Variants in RBFOX1 observed in about 807,000 individuals in gnomAD.
RBFOX1 encodes the protein RNA binding protein fox-1 homolog 1.
Under a neutral mutation model 57.7 loss-of-function variants are expected in RBFOX1, and 8 were observed. The observed-to-expected ratio is 0.14, with a 90% confidence interval of 0.08 to 0.25. The LOEUF is 0.25. Ranked by LOEUF, RBFOX1 falls within the 10% of genes least tolerant of loss-of-function variation. The probability of loss-of-function intolerance (pLI) is 1.00; values close to 1 mark genes in which losing one functional copy is unlikely to be tolerated. For missense variants in RBFOX1, 611 were observed against 548.5 expected (o/e 1.11, Z -1.14); for synonymous variants, 326 against 222.4 (o/e 1.47, Z -4.15).
At chr16:7,042,854 A>G (rs2046624312) in intron 3 of RBFOX1, among the ~76,000 whole-genome samples, 2 of 152,166 alleles carry the variant, frequency 1.3e-5, no homozygotes, top group Non-Finnish European at 2.9e-5. Context: ...TGAACCTGGG[A>G]GGTGGAGGTT....
chr16:6,647,498 T>A (rs2098543358), intron 2 of RBFOX1, among the ~76,000 whole-genome samples: 1 of 152,168 alleles, frequency 6.6e-6, no homozygotes, highest in Admixed American at 6.5e-5. Context: ...TATACCTGCC[T>A]TAGACTCCCA....
chr16:7,026,604 G>A (rs2041024312), intron 3 of RBFOX1, among the ~76,000 whole-genome samples: 1 of 152,188 alleles, frequency 6.6e-6, no homozygotes, highest in Admixed American at 6.5e-5. Context: ...TCTGCACAGA[G>A]GTGCAGGGAA....
At chr16:5,516,429 G>C (rs936804096) in intron 2 of RBFOX1, among the ~76,000 whole-genome samples, 9 of 151,846 alleles carry the variant, frequency 5.9e-5, no homozygotes, top group Non-Finnish European at 1.0e-4. Flanking sequence ...CTTCCTTGTT[G>C]TTGATCTTGC....
intron 1 of RBFOX1, among the ~76,000 whole-genome samples, chr16:5,351,195 T>G (rs2065255245): frequency 6.6e-6 from 1 of 152,222 alleles, no homozygotes; most frequent in Non-Finnish European, 1.5e-5. Context: ...ATTGATTTAT[T>G]TAACTCGACT....
chr16:5,715,966 G>A (rs1221315008), intron 3 of RBFOX1, among the ~76,000 whole-genome samples: 2 of 152,164 alleles, frequency 1.3e-5, no homozygotes, highest in Non-Finnish European at 2.9e-5. Flanking sequence ...AGTTTTTAAA[G>A]TATCTAATAA....
At chr16:6,879,910 TA>T (rs1421317297) in intron 3 of RBFOX1, among the ~76,000 whole-genome samples, 1 of 152,258 alleles carries the variant, frequency 6.6e-6, no homozygotes, top group African/African-American at 2.4e-5. Context: ...TCATTTCTTT[TA>T]AAATATTATT....
At chr16:6,036,684 C>T (rs531220246) in intron 1 of RBFOX1, among the ~76,000 whole-genome samples, 3 of 152,238 alleles carry the variant, frequency 2.0e-5, no homozygotes, top group African/African-American at 7.2e-5. Context: ...GAGATAGGGA[C>T]AAATACAACA....
At chr16:7,099,913 C>T (rs1481683023) in intron 4 of RBFOX1, among the ~76,000 whole-genome samples, 1 of 152,036 alleles carries the variant, frequency 6.6e-6, no homozygotes, top group African/African-American at 2.4e-5. Context: ...TGTTTCTTAT[C>T]AGACTTAAAG....
chr16:7,203,436 CAAA>C (rs1199532796), intron 4 of RBFOX1, among the ~76,000 whole-genome samples: 1 of 152,050 alleles, frequency 6.6e-6, no homozygotes, highest in African/African-American at 2.4e-5. Context: ...TATTACAAGA[CAAA>C]AAGAGTTCTG....
chr16:7,415,002 A>G (rs960608049), intron 4 of RBFOX1, among the ~76,000 whole-genome samples: 3 of 152,326 alleles, frequency 2.0e-5, no homozygotes, highest in Non-Finnish European at 4.4e-5. Flanking sequence ...TGAGGAGCTT[A>G]TATGATCACA....
At chr16:6,982,807 A>T (rs1479540223) in intron 3 of RBFOX1, among the ~76,000 whole-genome samples, 1 of 152,128 alleles carries the variant, frequency 6.6e-6, no homozygotes, top group Non-Finnish European at 1.5e-5. Flanking sequence ...AGCCTGGCCA[A>T]CATGGCGGAG....
chr16:6,490,571 A>G (rs548867675), intron 2 of RBFOX1, among the ~76,000 whole-genome samples: 1 of 152,358 alleles, frequency 6.6e-6, no homozygotes, highest in Non-Finnish European at 1.5e-5. Context: ...ATTGCCCTGC[A>G]GAAAGCTCAG....
chr16:6,336,706 G>C (rs951458367), intron 2 of RBFOX1, among the ~76,000 whole-genome samples: 12 of 152,138 alleles, frequency 7.9e-5, no homozygotes, highest in African/African-American at 1.4e-4. Context: ...GGGGGAAATT[G>C]GATGAGATGA....
intron 2 of RBFOX1, among the ~76,000 whole-genome samples, chr16:6,642,098 T>G (rs1453918179): frequency 2.6e-5 from 4 of 152,138 alleles, no homozygotes; most frequent in African/African-American, 9.7e-5. Flanking sequence ...TTTTAGGTGC[T>G]GGGGTCTGAG....
At chr16:5,839,192 AC>A (rs1359803263) in intron 3 of RBFOX1, among the ~76,000 whole-genome samples, 1 of 152,210 alleles carries the variant, frequency 6.6e-6, no homozygotes, top group Non-Finnish European at 1.5e-5. Flanking sequence ...TATCCTTTGC[AC>A]CAGCACATTT....
At chr16:7,124,294 G>C (rs560338793) in intron 4 of RBFOX1, among the ~76,000 whole-genome samples, 10 of 152,206 alleles carry the variant, frequency 6.6e-5, no homozygotes, top group African/African-American at 2.4e-4. Flanking sequence ...TGTGCCTTTG[G>C]TTCTAGCTAC....
At chr16:7,660,328 A>T (rs1377564945) in intron 12 of RBFOX1, among the ~76,000 whole-genome samples, 4 of 152,230 alleles carry the variant, frequency 2.6e-5, no homozygotes, top group African/African-American at 9.6e-5. Context: ...GCATGGCTAG[A>T]CGGACCATCT....
intron 3 of RBFOX1, among the ~76,000 whole-genome samples, chr16:6,958,293 C>T (rs1276031714): frequency 6.6e-6 from 1 of 152,142 alleles, no homozygotes; most frequent in African/African-American, 2.4e-5. Context: ...GGCAATTATT[C>T]CAACACACTC....
At chr16:7,576,715 T>G (rs1465356908) in intron 5 of RBFOX1, among the ~76,000 whole-genome samples, 3 of 152,254 alleles carry the variant, frequency 2.0e-5, no homozygotes, top group Non-Finnish European at 4.4e-5. Flanking sequence ...TCATTTAATA[T>G]GTTTAATCAT....
Sources: gnomAD v4.1 joint callset for allele counts (sites outside exome capture counted in the v4.1 genomes callset) on GRCh38, gnomAD v4.1.1 for gene constraint, MANE v1.5 for transcripts, NCBI Gene and HGNC (gene_info 2026-07-23, HGNC 2026-07-21) for gene names.